Variants in AP4M1 observed in about 807,000 individuals in gnomAD.
AP4M1 encodes the protein adaptor related protein complex 4 subunit mu 1, also known as AP-4 complex subunit mu-1.
A neutral mutation model predicts 62.4 loss-of-function variants in AP4M1; 58 were observed. The observed-to-expected ratio is 0.93, with a 90% CI of 0.75 to 1.16. The LOEUF is 1.16. Among genes scored for constraint, AP4M1 ranks in the 50% most tolerant of loss-of-function variants. AP4M1 has a pLI of 0.00. For missense variants in AP4M1, 626 were observed against 585.4 expected, an observed-to-expected ratio of 1.07 and a Z score of -0.72; for synonymous variants, 290 against 239.7, an observed-to-expected ratio of 1.21 and a Z score of -1.94.
chr7:100,105,314 C>G lies in AP4M1; in HGVS notation c.802C>G (p.Arg268Gly). ...SVNLDEFESH[R>G]ILRLQPPQGE... ...GAATCTGGACGAATTTGAGTCTCAT[C>G]GAATCCTCCGCTTGCAACCACCTCA... Residue 268 changes from arginine (R) to glycine (G), a missense_variant, in exon 10 of 15, where the codon CGA (arginine) becomes GGA (glycine). Transcript: ENST00000359593. 1 of 1,614,096 alleles carries G rather than the reference C, an allele frequency of 6.2e-7. No homozygotes were observed. Among genetic ancestry groups the G allele is most frequent in the South Asian group, 1.1e-5 (1 of 91,086 alleles).
Position 100,104,146 on chromosome 7 carries a change from G to A in AP4M1, c.598G>A (p.Ala200Thr). Residue 200 changes from alanine (A) to threonine (T), a missense_variant, in exon 7 of 15, where the codon GCA becomes ACA. Ala to Thr is a moderately conservative substitution (Grantham distance 58). Coordinates refer to ENST00000359593, the MANE Select transcript of AP4M1 (RefSeq NM_004722.4). ...DVVERLSVLIASNGSLLKVDV... is the reference protein window; with the variant it reads ...DVVERLSVLITSNGSLLKVDV... ...GGTCGAGAGATTGTCTGTACTGATA[G>A]CATCTAATGTAAGTTTGAGCTCCCA... The A allele has an allele frequency of 1.9e-6, 3 of 1,613,936 alleles. No homozygotes were observed. Among genetic ancestry groups the A allele is most frequent in the Non-Finnish European group, 2.5e-6 (3 of 1,179,910 alleles).
rs1265325000 is a variant in AP4M1 at position 100,107,478 on chromosome 7, C to G, written c.*596C>G. ...GACCACGATGTACTTCTGGACACTC[C>G]CAGGACCAGAGGGAGCAGTGCTGGG... On this transcript the variant is annotated 3_prime_UTR_variant, in exon 15 of 15. Transcript: ENST00000359593. 1 of 1,613,968 alleles carries G rather than the reference C, an allele frequency of 6.2e-7. No homozygotes were observed. Among genetic ancestry groups the G allele is most frequent in the Non-Finnish European group, 8.5e-7 (1 of 1,179,932 alleles).
rs757747386 is a variant in AP4M1 at position 100,101,957 on chromosome 7, C to T, written c.136C>T (p.Pro46Ser). The stretch of plus-strand genomic sequence containing the variant: ...GACGGGACTGCCAGGAGACGAGTCC[C>T]CGGTTGTCATGGTAACCAGTGGCGG... ...KLTGLPGDES[P>S]VVMHHHGRHF... Residue 46 changes from proline (P) to serine (S), a missense_variant, in exon 2 of 15, where the codon CCG (proline) becomes TCG (serine). By Grantham distance (74) the Pro-to-Ser change is moderately conservative. Coordinates refer to ENST00000359593, the MANE Select transcript of AP4M1 (RefSeq NM_004722.4). 1 of 1,613,254 alleles carries T rather than the reference C, an allele frequency of 6.2e-7. No homozygotes were observed. The highest frequency in any genetic ancestry group is 8.5e-7 in the Non-Finnish European group (1 of 1,179,952).
In AP4M1 at chr7:100,107,756, G is replaced by A; in HGVS notation, c.*874G>A. ...TTCACCCTGTAGACAGCTATGGCTG[G>A]AGACCTTGTTCATGCAGGGCAGCTA... On this transcript the variant is annotated 3_prime_UTR_variant, in exon 15 of 15. Transcript: ENST00000359593. 1 of 1,431,754 alleles carries A rather than the reference G, an allele frequency of 7.0e-7. No individual in the cohort carries two copies. The highest frequency in any genetic ancestry group is 9.3e-7 in the Non-Finnish European group (1 of 1,074,348). 88.7% of individuals were successfully genotyped at this position (1,431,754 alleles called of 1,614,324 possible).
At chr7:100,101,522 G>T, upstream of AP4M1, 2 of 789,762 alleles carry the variant, frequency 2.5e-6, no homozygotes, top group Non-Finnish European at 4.2e-6. Flanking sequence ...GAGTGACGGG[G>T]AGGCGGTGCG....
intron 2 of AP4M1, 191 bp from the exon 3 acceptor site, chr7:100,102,484 C>G (rs1796132283): frequency 1.7e-5 from 11 of 642,592 alleles, no homozygotes; most frequent in Non-Finnish European, 3.1e-5. Context: ...TCCTCAGCAA[C>G]TCGGGGTAGT....
Position 100,101,705 on chromosome 7 carries a change from C to G in AP4M1, c.-10C>G, listed in dbSNP as rs780256851. The G allele has an allele frequency of 1.2e-6, 2 of 1,612,934 alleles. No individual in the cohort carries two copies. The highest frequency in any genetic ancestry group is 2.7e-5 in the African/African-American group (2 of 74,882). ...TTTCGCCGTCTTCTTGTCTACTCTC[C>G]AGAACGGCCATGATTTCCCAATTCT... On this transcript the variant is annotated 5_prime_UTR_variant, in exon 1 of 15. Coordinates refer to ENST00000359593, the MANE Select transcript of AP4M1 (RefSeq NM_004722.4).
chr7:100,103,610 A>T lies in AP4M1; in HGVS notation c.463-2A>T, dbSNP rs750783717. On this transcript the variant is annotated splice_acceptor_variant, in intron 5 of 14. Transcript: ENST00000359593. LOFTEE classifies it high-confidence loss of function. The stretch of plus-strand genomic sequence containing the variant: ...TGATTGATTGCTTTGGATGCTTTAC[A>T]GTTTGGGGCTGAGACACAACAGAGC... 3.3e-5 allele frequency: 53 copies of T among 1,613,940 alleles called. No homozygotes were observed. Among genetic ancestry groups the T allele is most frequent in the Non-Finnish European group, 4.5e-5 (53 of 1,180,010 alleles).
chr7:100,103,998 G>A, intron 6 of AP4M1, 94 bp from the exon 7 acceptor site: 4 of 1,141,742 alleles, frequency 3.5e-6, no homozygotes, highest in Non-Finnish European at 5.2e-6. Flanking sequence ...CCCTAGAGCT[G>A]TAGCTTTGAC....
rs1440310254 is a variant in AP4M1 at position 100,106,784 on chromosome 7, C to A, written c.1264C>A (p.Arg422=). The change falls in exon 15 of 15, where the codon CGA becomes AGA. Residue 422 remains arginine (R), a synonymous_variant. Transcript: ENST00000359593. Reference sequence around the variant, plus strand: ...GCACACGTGCTCTGGCCTCCAGGTCCGATTCCTCAGGCTGGCCTTCAGGCC... The same window carrying A: ...GCACACGTGCTCTGGCCTCCAGGTCAGATTCCTCAGGCTGGCCTTCAGGCC... ...PRHTCSGLQV[R]FLRLAFRPCG... is the part of the protein sequence containing the mutation. The A allele has an allele frequency of 6.2e-7, 1 of 1,614,076 alleles. No individual in the cohort carries two copies. The highest frequency in any genetic ancestry group is 1.1e-5 in the South Asian group (1 of 91,078).
rs1036860983 is a variant in AP4M1, at chr7:100,107,712, G to T, written c.*830G>T. 38 of 1,531,580 alleles carry T rather than the reference G, an allele frequency of 2.5e-5. No individual in the cohort carries two copies. The highest frequency in any genetic ancestry group is 3.2e-5 in the Non-Finnish European group (37 of 1,141,030). 94.9% of individuals were successfully genotyped at this position (1,531,580 alleles called of 1,614,324 possible). On this transcript the variant is annotated 3_prime_UTR_variant, in exon 15 of 15. Transcript: ENST00000359593. ...AGGACGCTTCACTCGCTCCCTGCCT[G>T]AACAAGTTGTTCCTGTAGTTCACCC...
At chr7:100,103,061 C>CTTT (rs55764736) in intron 4 of AP4M1, 101 bp downstream of exon 4, 271 of 530,514 alleles carry the variant, frequency 5.1e-4, no homozygotes, top group Admixed American at 3.9e-3. Flanking sequence ...CCAAGTCTAC[C>CTTT]TTTTTTTTTT....
chr7:100,106,793 A>T lies in AP4M1; in HGVS notation c.1273A>T (p.Arg425Trp). 6.2e-7 allele frequency: 1 copy of T among 1,614,082 alleles called. No individual in the cohort carries two copies. Among genetic ancestry groups the T allele is most frequent in the Non-Finnish European group, 8.5e-7 (1 of 1,180,038 alleles). The change falls in exon 15 of 15, where the codon AGG becomes TGG. Residue 425 changes from arginine to tryptophan, a missense_variant. By Grantham distance (101) the Arg-to-Trp change is moderately radical. Coordinates refer to ENST00000359593, the MANE Select transcript of AP4M1 (RefSeq NM_004722.4). ...TCSGLQVRFL[R>W]LAFRPCGNAN... ...CTCTGGCCTCCAGGTCCGATTCCTCAGGCTGGCCTTCAGGCCATGCGGCAA... is the reference window on the plus strand; with the variant it reads ...CTCTGGCCTCCAGGTCCGATTCCTCTGGCTGGCCTTCAGGCCATGCGGCAA...
chr7:100,104,617 G>T (rs1196278835), intron 7 of AP4M1, among the ~76,000 whole-genome samples: 2 of 152,180 alleles, frequency 1.3e-5, no homozygotes, highest in Non-Finnish European at 2.9e-5. Flanking sequence ...GATCACTTAA[G>T]GTCAGGAGTT....
At position 100,103,462 on chromosome 7, in the gene AP4M1, G is replaced by T. The variant is rs561091883; in HGVS notation, c.405G>T (p.Gln135His). Residue 135 changes from glutamine to histidine, a missense_variant, in exon 5 of 15, where the codon CAG (glutamine) becomes CAT (histidine). Physicochemically the swap from Gln to His is conservative, Grantham distance 24 (BLOSUM62 0). Coordinates refer to ENST00000359593, the MANE Select transcript of AP4M1 (RefSeq NM_004722.4). ...CGGAGATGCTGAGGAATTTCATCCAGACGGAAGCTGTGGTCAGCAAGCCCT... is the reference window on the plus strand; with the variant it reads ...CGGAGATGCTGAGGAATTTCATCCATACGGAAGCTGTGGTCAGCAAGCCCT... The part of the protein sequence containing the change: ...TSTEMLRNFI[Q>H]TEAVVSKPFS... 14 of 1,614,166 alleles carry T rather than the reference G, an allele frequency of 8.7e-6. No individual in the cohort carries two copies. The South Asian group carries it at 9.9e-5, about 11-fold the overall frequency.
intron 7 of AP4M1, 107 bp from the exon 8 acceptor site, chr7:100,104,767 G>A: frequency 2.5e-6 from 3 of 1,216,310 alleles, no homozygotes; most frequent in South Asian, 1.2e-5. Flanking sequence ...GGAGGTGGAG[G>A]TTGCAGTGAG....
Position 100,107,692 on chromosome 7 carries a change from G to A in AP4M1, c.*810G>A, listed in dbSNP as rs114905246. The A allele has an allele frequency of 1.9e-4, 300 of 1,566,058 alleles. 1 individual carries two copies. The African/African-American group carries it at 3.0e-3, about 16-fold the overall frequency. ...TGCCCCCCAGAGGCCTGGCGAGGAC[G>A]CTTCACTCGCTCCCTGCCTGAACAA... On this transcript the variant is annotated 3_prime_UTR_variant, in exon 15 of 15. Transcript: ENST00000359593.
Position 100,103,537 on chromosome 7 carries a change from G to A in AP4M1, c.462+18G>A. The A allele has an allele frequency of 6.2e-7, 1 of 1,614,006 alleles. No homozygotes were observed. The highest frequency in any genetic ancestry group is 1.3e-5 in the African/African-American group (1 of 75,058). On this transcript the variant is annotated intron_variant, in intron 5 of 14. Transcript: ENST00000359593. ...TTGGCTTGGTCAGTAGAGGGAAAGA[G>A]GAGGGTGAGGAAAGAGAAGAGGGGT...
rs371162812 is a variant in AP4M1 at position 100,105,989 on chromosome 7, C to A, written c.960C>A (p.Asp320Glu). Residue 320 changes from aspartate to glutamate, a missense_variant, in exon 12 of 15, where the codon GAC becomes GAA. Transcript: ENST00000359593. Reference sequence around the variant, plus strand: ...AGGTTTATCTAAAGTTGCGATGTGACCTGCTCTCAAAGAGGTAAGAGTGAG... The same window carrying A: ...AGGTTTATCTAAAGTTGCGATGTGAACTGCTCTCAAAGAGGTAAGAGTGAG... ...RLQVYLKLRC[D>E]LLSKSQALNV... 6.2e-7 allele frequency: 1 copy of A among 1,614,008 alleles called. No individual in the cohort carries two copies. Among genetic ancestry groups the A allele is most frequent in the African/African-American group, 1.3e-5 (1 of 74,918 alleles).
Sources: gnomAD v4.1 joint callset for allele counts (sites outside exome capture counted in the v4.1 genomes callset) on GRCh38, gnomAD v4.1.1 for gene constraint, MANE v1.5 for transcripts, NCBI Gene and HGNC (gene_info 2026-07-23, HGNC 2026-07-21) for gene names.